The following HBEGF variants were observed in gnomAD, a reference collection of about 807,000 sequenced individuals.
HBEGF encodes heparin binding EGF like growth factor, also known as proheparin-binding EGF-like growth factor.
HBEGF carries 8 observed loss-of-function variants against 19.5 expected under a neutral mutation model. That is an observed-to-expected ratio of 0.41 (90% CI 0.24 to 0.74). HBEGF has a LOEUF of 0.74. Ranked by LOEUF, HBEGF falls within the 30% of genes least tolerant of loss-of-function variation. The probability of loss-of-function intolerance (pLI) is 0.32; values close to 1 mark genes in which losing one functional copy is unlikely to be tolerated. For synonymous variants in HBEGF, 97 were observed against 108.9 expected, an observed-to-expected ratio of 0.89 and a Z score of 0.68; for missense variants, 207 against 256.9, an observed-to-expected ratio of 0.81 and a Z score of 1.33.
In HBEGF at chr5:140,333,709, G is replaced by T. The variant is rs146165506; in HGVS notation, c.*590C>A. 3.2e-4 allele frequency: 49 copies of T among 152,598 alleles called. No individual in the cohort carries two copies. The highest frequency in any genetic ancestry group is 1.1e-3 in the African/African-American group (46 of 41,510). The allele number at this position is 152,598 out of a possible 1,614,324, so 9.5% of individuals were successfully genotyped here. ...ATAAAATAAATATATAATTTAAGAG[G>T]CATTTACAAACAACAACAACAAAAA... On this transcript the variant is annotated 3_prime_UTR_variant, in exon 6 of 6. Coordinates refer to ENST00000230990, the MANE Select transcript of HBEGF (RefSeq NM_001945.3).
chr5:140,345,815 C>T (rs1208061514), intron 2 of HBEGF, 96 bp downstream of exon 2: 6 of 1,483,126 alleles, frequency 4.0e-6, no homozygotes, highest in African/African-American at 2.8e-5. Flanking sequence ...CATGAATACC[C>T]TCAACCCACA....
Position 140,343,008 on chromosome 5 carries a change from C to T in HBEGF, c.221-196G>A, listed in dbSNP as rs542188151. The T allele has an allele frequency of 4.7e-4, 277 of 593,302 alleles. 2 individuals carry two copies. The highest frequency in any genetic ancestry group is 1.3e-3 in the South Asian group (61 of 45,246). The allele number at this position is 593,302 out of a possible 1,614,324, so 36.8% of individuals were successfully genotyped here. ...CAGAACCACCAGAAAGAGGGAACCT[C>T]GGTAGGAAGTAGAAGCTAGGGTGGG... On this transcript the variant is annotated intron_variant, in intron 2 of 5. Coordinates refer to ENST00000230990, the MANE Select transcript of HBEGF (RefSeq NM_001945.3).
intron 3 of HBEGF, among the ~76,000 whole-genome samples, chr5:140,338,846 G>C (rs1198348307): frequency 6.6e-6 from 1 of 152,182 alleles, no homozygotes; most frequent in Admixed American, 6.5e-5. Context: ...CTAGGGTCCA[G>C]AGACATCTTC....
At chr5:140,336,090 C>A in intron 3 of HBEGF, 63 bp from the exon 4 acceptor site, 1 of 1,549,950 alleles carries the variant, frequency 6.5e-7, no homozygotes, top group Admixed American at 1.7e-5. Context: ...GGCAATGGCC[C>A]ACCTGCATAA....
At chr5:140,341,719 G>A (rs191484525) in intron 3 of HBEGF, among the ~76,000 whole-genome samples, 1 of 152,338 alleles carries the variant, frequency 6.6e-6, no homozygotes, top group East Asian at 1.9e-4. Context: ...CCTGTCCAGA[G>A]TCTCCCACTA....
chr5:140,340,582 C>CAAAAAAAAAAAAAAAAAAAAAAA (rs61489261), intron 3 of HBEGF, among the ~76,000 whole-genome samples: 5 of 59,848 alleles, frequency 8.4e-5, no homozygotes, highest in African/African-American at 1.2e-4. Flanking sequence ...GACTCTGTCT[C>CAAAAAAAAAAAAAAAAAAAAAAA]AAAAAAAAAA....
intron 3 of HBEGF, among the ~76,000 whole-genome samples, chr5:140,339,639 G>A (rs542626019): frequency 6.6e-6 from 1 of 152,134 alleles, no homozygotes; most frequent in Non-Finnish European, 1.5e-5. Flanking sequence ...GGCGACCCAC[G>A]TGCCTCGGCC....
chr5:140,334,420 A>C, intron 5 of HBEGF, 140 bp from the exon 6 acceptor site: 1 of 482,198 alleles, frequency 2.1e-6, no homozygotes, highest in Non-Finnish European at 3.7e-6. Context: ...GGGGAGGGGA[A>C]GGGAGGGGAT....
intron 3 of HBEGF, among the ~76,000 whole-genome samples, chr5:140,342,076 C>T (rs1275161703): frequency 2.0e-5 from 3 of 152,218 alleles, no homozygotes; most frequent in Admixed American, 6.5e-5. Flanking sequence ...CCCACCTCCT[C>T]GTCCTTGCTG....
intron 2 of HBEGF, chr5:140,343,062 T>C (rs1397035661): frequency 8.4e-6 from 4 of 474,124 alleles, no homozygotes; most frequent in African/African-American, 1.9e-5. Flanking sequence ...ACAGTCTCTG[T>C]GTAAGAGCCT....
chr5:140,344,917 G>A (rs1766374245), intron 2 of HBEGF, among the ~76,000 whole-genome samples: 1 of 152,140 alleles, frequency 6.6e-6, no homozygotes, highest in South Asian at 2.1e-4. Flanking sequence ...AGAGGGCCAG[G>A]AGAATCCAGG....
At chr5:140,340,582 C>CAAAAAAAAAAAAAAAAAAAAAAAAAAAA (rs61489261) in intron 3 of HBEGF, among the ~76,000 whole-genome samples, 1 of 59,846 alleles carries the variant, frequency 1.7e-5, no homozygotes, top group African/African-American at 6.2e-5. Context: ...GACTCTGTCT[C>CAAAAAAAAAAAAAAAAAAAAAAAAAAAA]AAAAAAAAAA....
Position 140,345,923 on chromosome 5 carries a change from C to A in HBEGF, c.208G>T (p.Asp70Tyr), listed in dbSNP as rs766855765. 6.2e-7 allele frequency: 1 copy of A among 1,614,104 alleles called. No individual in the cohort carries two copies. The highest frequency in any genetic ancestry group is 8.5e-7 in the Non-Finnish European group (1 of 1,180,038). ...KVRDLQEADL[D>Y]LLRVTLSSKP... ...CCTCCACACCCACCTCTCAAAAGGTCCAGATCTGCCTCTTGCAAGTCACGG... is the reference window on the plus strand; with the variant it reads ...CCTCCACACCCACCTCTCAAAAGGTACAGATCTGCCTCTTGCAAGTCACGG... Residue 70 changes from aspartate to tyrosine, a missense_variant, in exon 2 of 6, where the codon GAC becomes TAC. Transcript: ENST00000230990.
At chr5:140,339,645 C>G (rs11168045) in intron 3 of HBEGF, among the ~76,000 whole-genome samples, 1 of 152,104 alleles carries the variant, frequency 6.6e-6, no homozygotes, top group African/African-American at 2.4e-5. Flanking sequence ...CCACGTGCCT[C>G]GGCCTCCCAA....
chr5:140,345,906 C>T lies in HBEGF; in HGVS notation c.220+5G>A, dbSNP rs375919692. On this transcript the variant is annotated splice_donor_5th_base_variant and intron_variant, in intron 2 of 5. Transcript: ENST00000230990. ...GGTCCAAGGATGGGGGGCCTCCACA[C>T]CCACCTCTCAAAAGGTCCAGATCTG... 1 of 1,613,988 alleles carries T rather than the reference C, an allele frequency of 6.2e-7. No homozygotes were observed. The highest frequency in any genetic ancestry group is 1.3e-5 in the African/African-American group (1 of 74,948).
intron 4 of HBEGF, 115 bp downstream of exon 4, chr5:140,335,757 G>A: frequency 8.9e-7 from 1 of 1,125,602 alleles, no homozygotes; most frequent in Non-Finnish European, 1.3e-6. Context: ...CCCGGAGCTA[G>A]CCCATGATTT....
chr5:140,336,177 T>C (rs1766224953), intron 3 of HBEGF, 150 bp from the exon 4 acceptor site: 1 of 739,270 alleles, frequency 1.4e-6, no homozygotes, highest in Non-Finnish European at 2.2e-6. Flanking sequence ...CCTTCTCCTC[T>C]AGTAGAAAAC....
chr5:140,346,098 G>T lies in HBEGF; in HGVS notation c.47-14C>A. 1.9e-6 allele frequency: 3 copies of T among 1,607,096 alleles called. No homozygotes were observed. The highest frequency in any genetic ancestry group is 2.6e-6 in the Non-Finnish European group (3 of 1,176,460). ...GTGCCGAGAGAACTGCGGGCGAGAG[G>T]CCAGGCCGCATCAGACACCCGCCCA... On this transcript the variant is annotated splice_polypyrimidine_tract_variant and intron_variant, in intron 1 of 5. Transcript: ENST00000230990. This position sits in a 1 kb window ranked among gnomAD's most constrained non-coding sequence, Gnocchi z 6.1.
At chr5:140,342,056 C>T (rs971785150) in intron 3 of HBEGF, among the ~76,000 whole-genome samples, 1 of 152,204 alleles carries the variant, frequency 6.6e-6, no homozygotes, top group Non-Finnish European at 1.5e-5. Flanking sequence ...GGCCAGTACT[C>T]TCCATGTCTC....
Sources: allele counts gnomAD v4.1 joint callset (sites outside exome capture counted in the v4.1 genomes callset), GRCh38; gene constraint gnomAD v4.1.1; non-coding constraint Gnocchi (gnomAD v3.1); transcripts MANE v1.5; gene names NCBI Gene and HGNC (gene_info 2026-07-23, HGNC 2026-07-21).